ACOX3: variants seen among roughly 807,000 people sequenced by gnomAD.
The protein encoded by ACOX3 is acyl-CoA oxidase 3, pristanoyl, also known as peroxisomal acyl-coenzyme A oxidase 3.
In ACOX3, 73 loss-of-function variants were observed where a neutral mutation model predicts 81.5. The ratio of observed to expected loss-of-function variants is 0.90; its 90% confidence interval spans 0.74 to 1.09. The LOEUF is 1.09. Ranked by LOEUF, ACOX3 falls within the 50% of genes least tolerant of loss-of-function variation. The probability of loss-of-function intolerance (pLI) is 0.00; values close to 1 mark genes in which losing one functional copy is unlikely to be tolerated. For synonymous variants in ACOX3, 387 were observed against 375.1 expected (o/e 1.03, Z -0.37); for missense variants, 947 against 928.0 (o/e 1.02, Z -0.27).
chr4:8,417,737 A>G (rs896671229), intron 1 of ACOX3, among the ~76,000 whole-genome samples: 1 of 152,256 alleles, frequency 6.6e-6, no homozygotes, highest in African/African-American at 2.4e-5. Context: ...GAACAGAAAA[A>G]TAGAGAAAAA....
At chr4:8,402,474 GCCTTTT>G (rs1382633004) in intron 7 of ACOX3, among the ~76,000 whole-genome samples, 1 of 152,190 alleles carries the variant, frequency 6.6e-6, no homozygotes, top group Non-Finnish European at 1.5e-5. Context: ...GCCAAGGAAT[GCCTTTT>G]CCAGTATGAT....
intron 16 of ACOX3, 119 bp from the exon 17 acceptor site, chr4:8,371,113 C>T (rs1385976471): frequency 3.1e-5 from 26 of 833,966 alleles, no homozygotes; most frequent in East Asian, 1.3e-4. Context: ...CTGAGCGGCA[C>T]GTGCGGCTCT....
At chr4:8,367,712 G>A (rs1213765518) in intron 17 of ACOX3, among the ~76,000 whole-genome samples, 2 of 133,758 alleles carry the variant, frequency 1.5e-5, no homozygotes, top group Non-Finnish European at 3.1e-5. Context: ...GCTCGTTCCT[G>A]TAATCCCTGC....
In ACOX3 at chr4:8,405,877, G is replaced by A; in HGVS notation, c.776+78C>T. 1 of 1,411,132 alleles carries A rather than the reference G, an allele frequency of 7.1e-7. No individual in the cohort carries two copies. The allele number at this position is 1,411,132 out of a possible 1,614,324, so 87.4% of individuals were successfully genotyped here. A position where few individuals can be genotyped will look rare whatever the true frequency, so the allele number is the denominator to read the frequency against. On this transcript the variant is annotated intron_variant, in intron 7 of 17. Transcript: ENST00000356406. The surrounding 1 kb of genome is among the most constrained non-coding windows in gnomAD (Gnocchi z 7.1). ...GCAGGGCATGGCATCCATGGGGCCA[G>A]TGAGATCTCAGACATGAGCGACAAC...
At position 8,414,169 on chromosome 4, in the gene ACOX3, C is replaced by A; in HGVS notation, c.543+123G>T. 1.2e-6 allele frequency: 1 copy of A among 817,528 alleles called. No individual in the cohort carries two copies. 50.6% of individuals were successfully genotyped at this position (817,528 alleles called of 1,614,324 possible). On this transcript the variant is annotated intron_variant, in intron 5 of 17. Transcript: ENST00000356406. The surrounding 1 kb of genome is among the most constrained non-coding windows in gnomAD (Gnocchi z 6.1). ...ATGAATCTCAGTGGGTATTTCTACACAAGTGTATGTGGACAGGCCTCTTGC... is the reference window on the plus strand; with the variant it reads ...ATGAATCTCAGTGGGTATTTCTACAAAAGTGTATGTGGACAGGCCTCTTGC...
rs1167654378 is a variant in ACOX3, at chr4:8,400,173, C to G, written c.777-521G>C. The stretch of plus-strand genomic sequence containing the variant: ...GGCTGAGACAGGAGAATTGTTTGAA[C>G]CCGGGCGGCGGAAGTTGCAGTGAGC... On this transcript the variant is annotated intron_variant, in intron 7 of 17. Coordinates refer to ENST00000356406, the MANE Select transcript of ACOX3 (RefSeq NM_003501.3). This position sits in a 1 kb window ranked among gnomAD's most constrained non-coding sequence, Gnocchi z 4.4. 6.6e-6 allele frequency among the ~76,000 whole-genome samples: 1 copy of G among 151,954 alleles called. No individual in the cohort carries two copies. The highest frequency in any genetic ancestry group is 1.5e-5 in the Non-Finnish European group (1 of 68,004).
At chr4:8,362,143 C>T (rs12507368), downstream of ACOX3, among the ~76,000 whole-genome samples, 35,735 of 151,944 alleles carry the variant, frequency 0.24, 4,536 homozygotes, top group African/African-American at 0.33. Context: ...GGTTCTTAAA[C>T]GCAGGTTTTT....
the ACOX3 span, chr4:8,357,718 T>C: frequency 4.2e-6 from 1 of 237,802 alleles, no homozygotes; most frequent in Non-Finnish European, 8.3e-6. Flanking sequence ...GCAACAGCTT[T>C]AGGAGCAGGG....
Position 8,415,755 on chromosome 4 carries a change from C to G in ACOX3, c.378+11G>C. On this transcript the variant is annotated intron_variant, in intron 3 of 17. Transcript: ENST00000356406. ...AAAGCCGTTTCCCTCTCCCCTAGGC[C>G]GCATGCTCACCAAGCTATGGAGGAG... The G allele has an allele frequency of 2.5e-6, 4 of 1,612,156 alleles. No individual in the cohort carries two copies. The highest frequency in any genetic ancestry group is 3.4e-6 in the Non-Finnish European group (4 of 1,178,570).
Position 8,440,636 on chromosome 4 carries a change from C to A in ACOX3, c.-15+12G>T. On this transcript the variant is annotated intron_variant, in intron 1 of 17. Transcript: ENST00000356406. ...TCTCAAAAGGGAATAAAACACAGGT[C>A]AAATTCCTCACCCACACACTCCACA... 1.5e-6 allele frequency: 1 copy of A among 654,070 alleles called. No homozygotes were observed. The highest frequency in any genetic ancestry group is 2.3e-6 in the Non-Finnish European group (1 of 426,876). 40.5% of individuals were successfully genotyped at this position (654,070 alleles called of 1,614,324 possible). A position where few individuals can be genotyped will look rare whatever the true frequency, so the allele number is the denominator to read the frequency against.
chr4:8,395,489 C>A (rs912375286), intron 9 of ACOX3, among the ~76,000 whole-genome samples: 1 of 152,224 alleles, frequency 6.6e-6, no homozygotes, highest in Non-Finnish European at 1.5e-5. Flanking sequence ...CATGGTCTAA[C>A]GTGTCAAGAG....
chr4:8,375,096 C>T lies in ACOX3; in HGVS notation c.1710G>A (p.Arg570=). 4 of 1,554,226 alleles carry T rather than the reference C, an allele frequency of 2.6e-6. No homozygotes were observed. The highest frequency in any genetic ancestry group is 1.7e-6 in the Non-Finnish European group (2 of 1,148,898). Residue 570 remains arginine, a synonymous_variant, in exon 15 of 18, where the codon AGG becomes AGA. Coordinates refer to ENST00000356406, the MANE Select transcript of ACOX3 (RefSeq NM_003501.3). The part of the protein sequence containing the change: ...LAFVELTVVQ[R]FHEHVHQPSV... Reference sequence around the variant, plus strand: ...AAGGCTGGTGCACGTGCTCGTGGAACCTCTGGACCACCGTGAGCTCCACGA... The same window carrying T: ...AAGGCTGGTGCACGTGCTCGTGGAATCTCTGGACCACCGTGAGCTCCACGA...
chr4:8,382,650 G>T lies in ACOX3; in HGVS notation c.1538-1043C>A, dbSNP rs376801400. 1.1e-4 allele frequency among the ~76,000 whole-genome samples: 16 copies of T among 152,328 alleles called. No homozygotes were observed. In the East Asian group the frequency reaches 2.9e-3, roughly 28 times the overall value. Reference sequence around the variant, plus strand: ...CTGAGCCCAAAGGCTGAACTCAGTGGGGCTTGGGATTTCCTTCTATGTCAC... The same window carrying T: ...CTGAGCCCAAAGGCTGAACTCAGTGTGGCTTGGGATTTCCTTCTATGTCAC... On this transcript the variant is annotated intron_variant, in intron 13 of 17. Coordinates refer to ENST00000356406, the MANE Select transcript of ACOX3 (RefSeq NM_003501.3). The surrounding 1 kb of genome is among the most constrained non-coding windows in gnomAD (Gnocchi z 4.1).
chr4:8,372,880 C>G (rs774606719), intron 16 of ACOX3, among the ~76,000 whole-genome samples: 15 of 152,340 alleles, frequency 9.8e-5, no homozygotes, highest in Non-Finnish European at 2.2e-4. Context: ...AGCACCAGCA[C>G]CAGCACAAGT....
At chr4:8,428,675 T>A (rs1723756067) in intron 1 of ACOX3, among the ~76,000 whole-genome samples, 1 of 152,218 alleles carries the variant, frequency 6.6e-6, no homozygotes, top group African/African-American at 2.4e-5. Context: ...GTCGCTGCCC[T>A]CTCGGAGCGC....
At chr4:8,378,926 C>G (rs1480961974) in intron 14 of ACOX3, among the ~76,000 whole-genome samples, 1 of 152,196 alleles carries the variant, frequency 6.6e-6, no homozygotes, top group Non-Finnish European at 1.5e-5. Context: ...TGCTGCTGCC[C>G]AAGCCCAGCC....
rs531338228 is a variant in ACOX3, at chr4:8,370,221, G to C, written c.1983+687C>G. Among the ~76,000 whole-genome samples, 31 of 152,218 alleles carry C rather than the reference G, an allele frequency of 2.0e-4. No homozygotes were observed. The highest frequency in any genetic ancestry group is 3.1e-4 in the Non-Finnish European group (21 of 68,038). On this transcript the variant is annotated intron_variant, in intron 17 of 17. Transcript: ENST00000356406. The surrounding 1 kb of genome is among the most constrained non-coding windows in gnomAD (Gnocchi z 6.3). ...ATGGGCCTGGCGCGACAGACGGGGA[G>C]GCCAGTAAGGCTAGATCTGGTGGGC...
rs747119879 is a variant in ACOX3 at position 8,374,985 on chromosome 4, G to A, written c.1821C>T (p.Leu607=). 1.3e-6 allele frequency: 2 copies of A among 1,525,584 alleles called. No homozygotes were observed. Among genetic ancestry groups the A allele is most frequent in the Non-Finnish European group, 1.8e-6 (2 of 1,128,986 alleles). 94.5% of individuals were successfully genotyped at this position (1,525,584 alleles called of 1,614,324 possible). A position where few individuals can be genotyped will look rare whatever the true frequency, so the allele number is the denominator to read the frequency against. Residue 607 remains leucine, a synonymous_variant, in exon 15 of 18, where the codon CTC becomes CTT. Transcript: ENST00000356406. The stretch of plus-strand genomic sequence containing the variant: ...CGCAGTCAGAAGCCTCACCTCGGTA[G>A]AGCAGGGCCGCGTGGCGGCTCAGGG... ...LWSLSRHAAL[L]YRGGYFSGEQ...
rs1392681631 is a variant in ACOX3 at position 8,375,059 on chromosome 4, A to C, written c.1747T>G (p.Ser583Ala). 2 of 1,554,712 alleles carry C rather than the reference A, an allele frequency of 1.3e-6. No homozygotes were observed. Among genetic ancestry groups the C allele is most frequent in the East Asian group, 4.8e-5 (2 of 41,812 alleles). The part of the protein sequence containing the change: ...EHVHQPSVPP[S>A]LRAVLGRLSA... Reference sequence around the variant, plus strand: ...AGCCGCCCCAGCACGGCCCGCAGCGAGGGCGGCACGGAAGGCTGGTGCACG... The same window carrying C: ...AGCCGCCCCAGCACGGCCCGCAGCGCGGGCGGCACGGAAGGCTGGTGCACG... Residue 583 changes from serine to alanine, a missense_variant, in exon 15 of 18, where the codon TCG (serine) becomes GCG (alanine). Physicochemically the swap from Ser to Ala is moderately conservative, Grantham distance 99. Transcript: ENST00000356406.
Sources: allele counts gnomAD v4.1 joint callset (sites outside exome capture counted in the v4.1 genomes callset), GRCh38; gene constraint gnomAD v4.1.1; non-coding constraint Gnocchi (gnomAD v3.1); transcripts MANE v1.5; gene names NCBI Gene and HGNC (gene_info 2026-07-23, HGNC 2026-07-21).